Variants in FAM120C observed in about 807,000 individuals in gnomAD.
FAM120C encodes family with sequence similarity 120 member C.
In FAM120C, 14 loss-of-function variants were observed where a neutral mutation model predicts 71.2. The observed-to-expected ratio is 0.20, with a 90% CI of 0.13 to 0.31. The LOEUF (loss-of-function observed/expected upper bound fraction) is 0.31. FAM120C is among the 10% of genes least tolerant of loss of function. FAM120C has a pLI of 1.00. For missense variants in FAM120C, 500 were observed against 879.0 expected, an observed-to-expected ratio of 0.57 and a Z score of 5.45; for synonymous variants, 354 against 353.2, an observed-to-expected ratio of 1.00 and a Z score of -0.03.
intron 4 of FAM120C, among the ~76,000 whole-genome samples, chrX:54,142,703 A>G (rs1189948716): frequency 1.8e-5 from 2 of 112,109 alleles, no homozygotes; most frequent in Admixed American, 1.9e-4. Context: ...ACTTCTTCAG[A>G]CTTAAACATC....
At chrX:54,084,482 C>T (rs140297962) in intron 13 of FAM120C, among the ~76,000 whole-genome samples, 8 of 112,216 alleles carry the variant, frequency 7.1e-5, no homozygotes, top group Non-Finnish European at 1.3e-4. Context: ...CGATGACACT[C>T]TGACCCAATC....
intron 4 of FAM120C, among the ~76,000 whole-genome samples, chrX:54,144,916 T>C (rs1482901835): frequency 9.0e-6 from 1 of 111,586 alleles, no homozygotes; most frequent in Non-Finnish European, 1.9e-5. Flanking sequence ...CTTCAAACTA[T>C]ACTACAAGGC....
intron 3 of FAM120C, among the ~76,000 whole-genome samples, chrX:54,153,983 T>G (rs1397488155): frequency 9.2e-6 from 1 of 108,715 alleles, no homozygotes; most frequent in Non-Finnish European, 1.9e-5. Flanking sequence ...TTACAGGTGT[T>G]AGCCACAGTG....
At chrX:54,162,167 G>A (rs2067238824) in intron 1 of FAM120C, among the ~76,000 whole-genome samples, 2 of 111,854 alleles carry the variant, frequency 1.8e-5, no homozygotes, top group South Asian at 7.5e-4. Flanking sequence ...AAATATTCTG[G>A]AGTAGGTAAT....
At chrX:54,098,337 G>A (rs1194560825) in intron 10 of FAM120C, among the ~76,000 whole-genome samples, 2 of 111,504 alleles carry the variant, frequency 1.8e-5, no homozygotes, top group Non-Finnish European at 3.8e-5. Flanking sequence ...CACCGTGCCC[G>A]GCCTATTATG....
intron 15 of FAM120C, among the ~76,000 whole-genome samples, chrX:54,076,663 T>C (rs1214496739): frequency 8.9e-6 from 1 of 111,861 alleles, no homozygotes; most frequent in African/African-American, 3.2e-5. Flanking sequence ...CATCCCTTGT[T>C]TTCTGTCACT....
intron 10 of FAM120C, among the ~76,000 whole-genome samples, chrX:54,108,271 T>A (rs945411748): frequency 6.3e-5 from 7 of 110,387 alleles, no homozygotes; most frequent in Admixed American, 2.9e-4. Flanking sequence ...TACTAAGACA[T>A]AAAGGAAGAA....
At chrX:54,158,350 T>C (rs987505177) in intron 2 of FAM120C, among the ~76,000 whole-genome samples, 1 of 112,655 alleles carries the variant, frequency 8.9e-6, no homozygotes, top group Non-Finnish European at 1.9e-5. Flanking sequence ...CAAACTCATG[T>C]CCTTTGGAAT....
chrX:54,175,675 CA>C (rs2067313269), intron 1 of FAM120C, among the ~76,000 whole-genome samples: 1 of 110,874 alleles, frequency 9.0e-6, no homozygotes, highest in African/African-American at 3.3e-5. Context: ...TGCCCCGCTA[CA>C]AGATATTTTA....
intron 1 of FAM120C, among the ~76,000 whole-genome samples, chrX:54,162,169 G>A (rs1167072299): frequency 8.9e-6 from 1 of 111,970 alleles, no homozygotes; most frequent in African/African-American, 3.2e-5. Context: ...ATATTCTGGA[G>A]TAGGTAATGA....
chrX:54,183,031 G>T lies in FAM120C; in HGVS notation c.168C>A (p.Ala56=). Reference sequence around the variant, plus strand: ...GTTGCAGAGGCACGGAGCCCCTGGCGGCGCGTGGAGCCCCGGGCGCTAGGG... The same window carrying T: ...GTTGCAGAGGCACGGAGCCCCTGGCTGCGCGTGGAGCCCCGGGCGCTAGGG... ...TAALAPGAPR[A]ARGSVPLQPP... is the part of the protein sequence containing the mutation. The change falls in exon 1 of 16, where the codon GCC becomes GCA. Residue 56 remains alanine, a synonymous_variant. Transcript: ENST00000375180. The T allele has an allele frequency of 2.6e-6, 3 of 1,157,722 alleles. No individual in the cohort carries two copies. Among genetic ancestry groups the T allele is most frequent in the Non-Finnish European group, 3.4e-6 (3 of 871,367 alleles).
chrX:54,142,955 G>A (rs1458251477), intron 4 of FAM120C, among the ~76,000 whole-genome samples: 1 of 111,864 alleles, frequency 8.9e-6, no homozygotes, highest in East Asian at 2.8e-4. Context: ...TGCAGGCTCC[G>A]CTGGTGATAC....
intron 15 of FAM120C, 76 bp downstream of exon 15, chrX:54,080,156 T>C: frequency 1.2e-6 from 1 of 848,815 alleles, no homozygotes; most frequent in Non-Finnish European, 1.8e-6. Flanking sequence ...CCATGCCTGA[T>C]GTGATCTCTT....
In FAM120C at chrX:54,179,068, G is replaced by A. The variant is rs782135167; in HGVS notation, c.699+3432C>T. Among the ~76,000 whole-genome samples the A allele has an allele frequency of 7.2e-5, 8 of 111,524 alleles. 1 individual carries two copies. The highest frequency in any genetic ancestry group is 8.4e-3 in the Middle Eastern group (2 of 238). On this transcript the variant is annotated intron_variant, in intron 1 of 15. Transcript: ENST00000375180. ...AACTGCTTTAGGTTGCTTTATTTCT[G>A]AGACCCTTAGGAAGCAATCAGGCAA...
intron 1 of FAM120C, among the ~76,000 whole-genome samples, chrX:54,170,853 C>T (rs2067284129): frequency 8.9e-6 from 1 of 111,794 alleles, no homozygotes; most frequent in East Asian, 2.8e-4. Flanking sequence ...AAGTAGATAC[C>T]AGAATAGGCA....
chrX:54,152,021 A>AT (rs1234773932), intron 3 of FAM120C, among the ~76,000 whole-genome samples: 3,668 of 99,073 alleles, frequency 0.037, 165 homozygotes, highest in African/African-American at 0.12. Flanking sequence ...ATACCTAAAC[A>AT]TTTTTTTTTT....
At chrX:54,095,355 C>CTT (rs10710810) in intron 10 of FAM120C, among the ~76,000 whole-genome samples, 6 of 41,126 alleles carry the variant, frequency 1.5e-4, no homozygotes, top group Admixed American at 3.3e-4. Flanking sequence ...TACTCCACAT[C>CTT]TTTTTTTTTT....
chrX:54,141,851 C>A (rs2067127294), intron 4 of FAM120C, among the ~76,000 whole-genome samples: 1 of 111,008 alleles, frequency 9.0e-6, no homozygotes, highest in Non-Finnish European at 1.9e-5. Flanking sequence ...AACAAAATAT[C>A]CTTTATAATA....
intron 10 of FAM120C, among the ~76,000 whole-genome samples, chrX:54,102,189 C>T (rs1860479154): frequency 9.2e-6 from 1 of 108,288 alleles, no homozygotes; most frequent in South Asian, 4.1e-4. Context: ...TGCATGCCAC[C>T]ATGCCTGGCT....
Sources: allele counts gnomAD v4.1 joint callset (sites outside exome capture counted in the v4.1 genomes callset), GRCh38; gene constraint gnomAD v4.1.1; transcripts MANE v1.5; gene names NCBI Gene and HGNC (gene_info 2026-07-23, HGNC 2026-07-21).